ITSN1: variants seen among roughly 807,000 people sequenced by gnomAD.
ITSN1 encodes the protein intersectin 1, also known as intersectin-1.
In ITSN1, 58 loss-of-function variants were observed where a neutral mutation model predicts 239.8. That is an observed-to-expected ratio of 0.24 (90% CI 0.20 to 0.30). The LOEUF is 0.30. Ranked by LOEUF, ITSN1 falls within the 10% of genes least tolerant of loss-of-function variation. The pLI is 1.00. For missense variants in ITSN1, 1,558 were observed against 2,103.3 expected (o/e 0.74, Z 5.07); for synonymous variants, 780 against 770.8 (o/e 1.01, Z -0.20).
intron 38 of ITSN1, among the ~76,000 whole-genome samples, 185 bp downstream of exon 38, chr21:33,885,707 A>G (rs1004042196): frequency 6.6e-6 from 1 of 151,788 alleles, no homozygotes; most frequent in African/African-American, 2.4e-5. Context: ...CATCCTTTCT[A>G]CCATTCTGCT....
At chr21:33,801,796 T>A (rs1391161290) in intron 19 of ITSN1, among the ~76,000 whole-genome samples, 2 of 152,180 alleles carry the variant, frequency 1.3e-5, no homozygotes, top group African/African-American at 4.8e-5. Context: ...GCCTTACTCA[T>A]CCTTTACAGA....
chr21:33,767,900 AAGAT>A, intron 11 of ITSN1, 72 bp downstream of exon 11: 1 of 803,392 alleles, frequency 1.2e-6, no homozygotes, highest in Non-Finnish European at 2.0e-6. Context: ...CTCTAAGACA[AAGAT>A]AGAGGTAAAC....
intron 8 of ITSN1, 29 bp from the exon 9 acceptor site, chr21:33,761,894 T>C (rs1414758605): frequency 3.2e-6 from 5 of 1,575,470 alleles, no homozygotes; most frequent in Admixed American, 1.7e-5. Flanking sequence ...CTGACTCATC[T>C]GTATGTCCTT....
chr21:33,823,110 GCA>G (rs774383087), intron 24 of ITSN1, among the ~76,000 whole-genome samples: 1 of 152,208 alleles, frequency 6.6e-6, no homozygotes, highest in Non-Finnish European at 1.5e-5. Flanking sequence ...CCAGTGCTCA[GCA>G]CAGAGTAGGT....
chr21:33,669,797 A>G (rs925060623), intron 1 of ITSN1, among the ~76,000 whole-genome samples: 5 of 150,530 alleles, frequency 3.3e-5, no homozygotes, highest in African/African-American at 1.2e-4. Flanking sequence ...TTTTTTTTTA[A>G]TCTCAGAAAA....
At position 33,753,988 on chromosome 21, in the gene ITSN1, T is replaced by C. The variant is rs1180416475; in HGVS notation, c.624-1309T>C. ...ATTTTTGCAATGCAGTATTGAACTT[T>C]TGGGTACATCTTCATGAGTTTTTAG... On this transcript the variant is annotated intron_variant, in intron 7 of 39. Coordinates refer to ENST00000381318, the MANE Select transcript of ITSN1 (RefSeq NM_003024.3). 2.0e-5 allele frequency among the ~76,000 whole-genome samples: 3 copies of C among 152,142 alleles called. No individual in the cohort carries two copies. The South Asian group carries it at 6.2e-4, about 32-fold the overall frequency.
intron 1 of ITSN1, among the ~76,000 whole-genome samples, chr21:33,706,279 A>G (rs1315426969): frequency 1.3e-5 from 2 of 152,114 alleles, no homozygotes; most frequent in Non-Finnish European, 2.9e-5. Flanking sequence ...TCAGCCTCCC[A>G]AAGTGCTGGG....
At chr21:33,880,951 C>T (rs1020413773) in intron 34 of ITSN1, among the ~76,000 whole-genome samples, 3 of 152,102 alleles carry the variant, frequency 2.0e-5, no homozygotes, top group African/African-American at 7.2e-5. Flanking sequence ...GGTGATGGAC[C>T]CCCGAGAGGT....
intron 3 of ITSN1, 143 bp downstream of exon 3, chr21:33,721,413 T>C (rs531181372): frequency 1.2e-5 from 7 of 596,596 alleles, no homozygotes; most frequent in Non-Finnish European, 2.1e-5. Context: ...CCTGTCCTTT[T>C]ACAATTTTTT....
intron 1 of ITSN1, among the ~76,000 whole-genome samples, chr21:33,711,466 T>G (rs1197922802): frequency 6.6e-6 from 1 of 152,174 alleles, no homozygotes; most frequent in Non-Finnish European, 1.5e-5. Flanking sequence ...TTGTTTAGAT[T>G]ACTAACATTT....
At chr21:33,868,240 GC>G (rs1982022672) in intron 33 of ITSN1, among the ~76,000 whole-genome samples, 1 of 152,234 alleles carries the variant, frequency 6.6e-6, no homozygotes, top group South Asian at 2.1e-4. Flanking sequence ...AGACTCAGGA[GC>G]CTAGCTGGCT....
At chr21:33,710,111 C>T (rs867637540) in intron 1 of ITSN1, among the ~76,000 whole-genome samples, 2 of 147,888 alleles carry the variant, frequency 1.4e-5, no homozygotes, top group African/African-American at 2.5e-5. Context: ...CAGAGTCTCG[C>T]TTTGTCACCC....
chr21:33,703,079 CT>C (rs2092097597), intron 1 of ITSN1, among the ~76,000 whole-genome samples: 1 of 126,892 alleles, frequency 7.9e-6, no homozygotes, highest in South Asian at 2.7e-4. Context: ...GAGCGAGACT[CT>C]GTCTGTGTGT....
chr21:33,708,545 G>A (rs1257994955), intron 1 of ITSN1, among the ~76,000 whole-genome samples: 1 of 136,048 alleles, frequency 7.4e-6, no homozygotes, highest in Non-Finnish European at 1.6e-5. Flanking sequence ...GCGCCACCAC[G>A]CCCGGCTAAT....
intron 5 of ITSN1, among the ~76,000 whole-genome samples, chr21:33,749,564 C>G (rs1231617340): frequency 1.3e-5 from 2 of 151,756 alleles, no homozygotes; most frequent in Non-Finnish European, 2.9e-5. Flanking sequence ...ATCACTTGAA[C>G]TCGGGAGGTG....
intron 3 of ITSN1, among the ~76,000 whole-genome samples, chr21:33,721,567 G>A: frequency 6.6e-6 from 1 of 151,970 alleles, no homozygotes; most frequent in East Asian, 1.9e-4. Flanking sequence ...AGGCCGAGGT[G>A]GGCAGATCCC....
chr21:33,883,224 C>G (rs756846826), intron 35 of ITSN1, among the ~76,000 whole-genome samples: 1 of 152,188 alleles, frequency 6.6e-6, no homozygotes, highest in Admixed American at 6.5e-5. Flanking sequence ...TAAAACATAC[C>G]CGCAAAATCG....
chr21:33,769,831 G>C (rs1255135856), intron 11 of ITSN1, among the ~76,000 whole-genome samples: 2 of 151,838 alleles, frequency 1.3e-5, no homozygotes, highest in Non-Finnish European at 2.9e-5. Flanking sequence ...AAGTAGCTGG[G>C]ACTAAAGGCA....
At chr21:33,832,652 A>G (rs1257887039) in intron 27 of ITSN1, among the ~76,000 whole-genome samples, 1 of 151,984 alleles carries the variant, frequency 6.6e-6, no homozygotes, top group African/African-American at 2.4e-5. Flanking sequence ...TATACTCGGT[A>G]GATAAACGTG....
Sources: allele counts gnomAD v4.1 joint callset (sites outside exome capture counted in the v4.1 genomes callset), GRCh38; gene constraint gnomAD v4.1.1; transcripts MANE v1.5; gene names NCBI Gene and HGNC (gene_info 2026-07-23, HGNC 2026-07-21).